FCRL1: variants seen among roughly 807,000 people sequenced by gnomAD.
FCRL1 encodes Fc receptor-like protein 1.
Under a neutral mutation model 49.2 loss-of-function variants are expected in FCRL1, and 34 were observed. The ratio of observed to expected loss-of-function variants is 0.69; its 90% CI spans 0.53 to 0.92. The LOEUF is 0.92. Ranked by LOEUF, FCRL1 falls within the 40% of genes least tolerant of loss-of-function variation. FCRL1 has a pLI of 0.00. For missense variants in FCRL1, 524 were observed against 524.1 expected (o/e 1.00, Z 0.00); for synonymous variants, 218 against 201.6 (o/e 1.08, Z -0.69).
chr1:157,800,141 C>T, intron 6 of FCRL1, 56 bp from the exon 7 acceptor site: 11 of 1,581,000 alleles, frequency 7.0e-6, no homozygotes, highest in Non-Finnish European at 8.7e-6. Flanking sequence ...ACTGTCAGCA[C>T]TGTCAGTGTT....
At chr1:157,799,094 G>A (rs1571340329) in intron 7 of FCRL1, among the ~76,000 whole-genome samples, 3 of 152,072 alleles carry the variant, frequency 2.0e-5, no homozygotes, top group Admixed American at 6.6e-5. Flanking sequence ...TCCACCTCTC[G>A]AACTCAAGGG....
chr1:157,798,301 A>G, intron 7 of FCRL1, 58 bp from the exon 8 acceptor site: 2 of 1,392,252 alleles, frequency 1.4e-6, no homozygotes, highest in East Asian at 2.3e-5. Context: ...TCATGCAGAT[A>G]TCACACTGAA....
chr1:157,801,369 A>G, intron 6 of FCRL1, 92 bp downstream of exon 6: 1 of 833,168 alleles, frequency 1.2e-6, no homozygotes, highest in Non-Finnish European at 2.0e-6. Flanking sequence ...AACAGCATAT[A>G]CATCTTTTGC....
Position 157,794,522 on chromosome 1 carries a change from T to C in FCRL1, c.*1577A>G, listed in dbSNP as rs181600274. ...AGATATAAATTGATACAGCCTTACC[T>C]GAGAGACATTGAAGACTATTTAACA... On this transcript the variant is annotated 3_prime_UTR_variant, in exon 11 of 11. Transcript: ENST00000368176. 1.1e-4 allele frequency: 16 copies of C among 152,322 alleles called. No homozygotes were observed. The highest frequency in any genetic ancestry group is 1.0e-3 in the Admixed American group (16 of 15,288). The allele number at this position is 152,322 out of a possible 1,614,324, so 9.4% of individuals were successfully genotyped here.
At chr1:157,796,407 C>T (rs1651488586) in intron 10 of FCRL1, among the ~76,000 whole-genome samples, 1 of 152,226 alleles carries the variant, frequency 6.6e-6, no homozygotes, top group African/African-American at 2.4e-5. Context: ...AGTGCCTTCG[C>T]TCATTCTTAT....
chr1:157,804,816 G>C (rs1653140414), intron 2 of FCRL1, among the ~76,000 whole-genome samples: 1 of 151,736 alleles, frequency 6.6e-6, no homozygotes, highest in Non-Finnish European at 1.5e-5. Context: ...TTAATTCTCA[G>C]GGATGTGTCC....
In FCRL1 at chr1:157,797,714, C is replaced by G. The variant is rs537233057; in HGVS notation, c.1186+154G>C. 9.7e-6 allele frequency: 15 copies of G among 1,544,534 alleles called. No homozygotes were observed. The South Asian group carries it at 1.8e-4, about 18-fold the overall frequency. Reference sequence around the variant, plus strand: ...TAGCTCTGGGCTCTACTCAAGGTAGCTCCAGACCCAAGGACAGCCATTAAG... The same window carrying G: ...TAGCTCTGGGCTCTACTCAAGGTAGGTCCAGACCCAAGGACAGCCATTAAG... On this transcript the variant is annotated intron_variant, in intron 9 of 10. Transcript: ENST00000368176.
At chr1:157,799,421 G>A (rs1652066492) in intron 7 of FCRL1, among the ~76,000 whole-genome samples, 1 of 152,144 alleles carries the variant, frequency 6.6e-6, no homozygotes, top group African/African-American at 2.4e-5. Flanking sequence ...TCATTGAGCA[G>A]TGGTTTGTAG....
At chr1:157,819,901 G>A (rs932810820) in intron 1 of FCRL1, 106 bp downstream of exon 1, 24 of 1,347,272 alleles carry the variant, frequency 1.8e-5, no homozygotes, top group Non-Finnish European at 2.4e-5. Flanking sequence ...GCACCCCTGA[G>A]CATTACCTGA....
intron 1 of FCRL1, among the ~76,000 whole-genome samples, chr1:157,816,927 A>G (rs886670308): frequency 3.9e-5 from 6 of 151,990 alleles, no homozygotes; most frequent in Non-Finnish European, 8.8e-5. Context: ...AAATAATAAA[A>G]TACTTAGGAA....
intron 1 of FCRL1, among the ~76,000 whole-genome samples, chr1:157,811,488 C>T (rs143316084): frequency 6.6e-6 from 1 of 152,324 alleles, no homozygotes; most frequent in East Asian, 1.9e-4. Flanking sequence ...CAGAAGCCCC[C>T]ATTATATCTG....
At chr1:157,814,414 T>A (rs190472045) in intron 1 of FCRL1, among the ~76,000 whole-genome samples, 11 of 152,116 alleles carry the variant, frequency 7.2e-5, no homozygotes, top group Admixed American at 4.6e-4. Context: ...ACTATAAGAT[T>A]TTTTATATAA....
chr1:157,809,113 G>A (rs1322308450), intron 1 of FCRL1, among the ~76,000 whole-genome samples: 1 of 152,128 alleles, frequency 6.6e-6, no homozygotes, highest in East Asian at 1.9e-4. Flanking sequence ...GTACATAAGA[G>A]GTATTTAAAA....
intron 2 of FCRL1, 112 bp from the exon 3 acceptor site, chr1:157,804,223 C>A: frequency 7.6e-7 from 1 of 1,321,314 alleles, no homozygotes; most frequent in Non-Finnish European, 1.0e-6. Flanking sequence ...CAGTTGGACA[C>A]ACAGGCCACC....
At chr1:157,798,086 T>A in intron 8 of FCRL1, 75 bp downstream of exon 8, 1 of 1,533,088 alleles carries the variant, frequency 6.5e-7, no homozygotes, top group Non-Finnish European at 9.0e-7. Flanking sequence ...CAGGTTTGGC[T>A]AGCAGATGTT....
chr1:157,807,820 T>C (rs1653711692), intron 1 of FCRL1, among the ~76,000 whole-genome samples: 1 of 152,232 alleles, frequency 6.6e-6, no homozygotes, highest in Non-Finnish European at 1.5e-5. Context: ...GCTCTTCCTC[T>C]TACAAGCTGT....
intron 2 of FCRL1, 23 bp downstream of exon 2, chr1:157,807,079 G>A (rs1214146439): frequency 2.5e-6 from 4 of 1,613,616 alleles, no homozygotes; most frequent in Non-Finnish European, 3.4e-6. Context: ...AGACCTTGAA[G>A]AAGAAAAGGA....
chr1:157,798,884 A>T (rs1010240380), intron 7 of FCRL1, among the ~76,000 whole-genome samples: 1 of 152,200 alleles, frequency 6.6e-6, no homozygotes, highest in Non-Finnish European at 1.5e-5. Context: ...TAAAACTCTC[A>T]AGAGTTTTTT....
In FCRL1 at chr1:157,802,689, G is replaced by A. The variant is rs41273455; in HGVS notation, c.320-25C>T. The A allele has an allele frequency of 7.5e-3, 12,026 of 1,601,326 alleles. 134 individuals are homozygous for A. The highest frequency in any genetic ancestry group is 0.036 in the South Asian group (3,194 of 89,476). The stretch of plus-strand genomic sequence containing the variant: ...CCTGTGTGGACACAAGATGACATAG[G>A]AAGACCCTGTGCAGGGAGAGTTTCA... On this transcript the variant is annotated intron_variant, in intron 3 of 10. Transcript: ENST00000368176.
Sources: gnomAD v4.1 joint callset for allele counts (sites outside exome capture counted in the v4.1 genomes callset) on GRCh38, gnomAD v4.1.1 for gene constraint, MANE v1.5 for transcripts, NCBI Gene and HGNC (gene_info 2026-07-23, HGNC 2026-07-21) for gene names.